Variants in GALNT17 observed in about 807,000 individuals in gnomAD.
GALNT17 encodes UDP-GalNAc:polypeptide N-acetylgalactosaminyltransferase-like 3.
In GALNT17, 29 loss-of-function variants were observed where a neutral mutation model predicts 63.7. That is an observed-to-expected ratio of 0.46 (90% CI 0.34 to 0.62). The LOEUF is 0.62. Among genes scored for constraint, GALNT17 ranks in the 20% least tolerant of loss-of-function variants. The pLI is 0.01. For synonymous variants in GALNT17, 305 were observed against 318.3 expected, an observed-to-expected ratio of 0.96 and a Z score of 0.45; for missense variants, 603 against 799.6, an observed-to-expected ratio of 0.75 and a Z score of 2.97.
chr7:71,441,948 T>C (rs1482434941), intron 5 of GALNT17, among the ~76,000 whole-genome samples: 5 of 152,162 alleles, frequency 3.3e-5, no homozygotes, highest in Non-Finnish European at 7.3e-5. Context: ...AACGTATGTG[T>C]GTGTGTGTGT....
intron 1 of GALNT17, among the ~76,000 whole-genome samples, chr7:71,221,908 ATTTTTTTTT>A (rs370780821): frequency 1.7e-5 from 2 of 114,684 alleles, no homozygotes; most frequent in Non-Finnish European, 3.5e-5. Flanking sequence ...CCTTATTTAG[ATTTTTTTTT>A]TTTTTTTTTT....
chr7:71,388,648 T>G (rs924788391), intron 3 of GALNT17, among the ~76,000 whole-genome samples: 1 of 151,980 alleles, frequency 6.6e-6, no homozygotes, highest in Non-Finnish European at 1.5e-5. Context: ...TACCTCAGCC[T>G]CCCGAGTAGC....
chr7:71,184,458 G>A (rs1226324085), intron 1 of GALNT17, among the ~76,000 whole-genome samples: 1 of 152,168 alleles, frequency 6.6e-6, no homozygotes, highest in African/African-American at 2.4e-5. Context: ...GAGCCCATCT[G>A]CTGGCTGATG....
intron 1 of GALNT17, among the ~76,000 whole-genome samples, chr7:71,273,669 C>A: frequency 6.6e-6 from 1 of 152,154 alleles, no homozygotes; most frequent in East Asian, 1.9e-4. Context: ...GAGCCTAATT[C>A]TCATTTGTAC....
At chr7:71,482,647 A>T (rs1443541094) in intron 5 of GALNT17, among the ~76,000 whole-genome samples, 1 of 152,192 alleles carries the variant, frequency 6.6e-6, no homozygotes, top group Non-Finnish European at 1.5e-5. Flanking sequence ...CACAATGCTA[A>T]GTATTTGTGT....
chr7:71,592,561 T>TAAAATAA (rs1320144082), intron 6 of GALNT17, among the ~76,000 whole-genome samples: 2 of 38,850 alleles, frequency 5.1e-5, no homozygotes, highest in African/African-American at 1.4e-4. Context: ...TAGCATAGCA[T>TAAAATAA]ACTAAAATAA....
At chr7:71,700,916 T>A (rs766876140) in intron 9 of GALNT17, among the ~76,000 whole-genome samples, 3 of 152,192 alleles carry the variant, frequency 2.0e-5, no homozygotes, top group Non-Finnish European at 4.4e-5. Flanking sequence ...ATTCATGATG[T>A]CAACAAATAT....
At chr7:71,157,730 G>A (rs907859837) in intron 1 of GALNT17, among the ~76,000 whole-genome samples, 3 of 151,742 alleles carry the variant, frequency 2.0e-5, no homozygotes, top group Non-Finnish European at 4.4e-5. Flanking sequence ...TGTACAGCTC[G>A]GTAGTAACAA....
At chr7:71,491,370 A>C (rs1242482973) in intron 5 of GALNT17, among the ~76,000 whole-genome samples, 2 of 151,988 alleles carry the variant, frequency 1.3e-5, no homozygotes, top group African/African-American at 4.8e-5. Context: ...GAATGTAAGA[A>C]GCAGGCACGA....
chr7:71,578,764 G>A (rs989676835), intron 6 of GALNT17, among the ~76,000 whole-genome samples: 1 of 152,098 alleles, frequency 6.6e-6, no homozygotes, highest in Non-Finnish European at 1.5e-5. Flanking sequence ...CTTCCCTCTT[G>A]TCTACAGCTA....
At chr7:71,497,418 G>A (rs1357678616) in intron 5 of GALNT17, among the ~76,000 whole-genome samples, 1 of 152,118 alleles carries the variant, frequency 6.6e-6, no homozygotes, top group Non-Finnish European at 1.5e-5. Flanking sequence ...TCTCTCTGGG[G>A]CCTCACAGTC....
At chr7:71,135,778 G>A (rs1398485303) in intron 1 of GALNT17, among the ~76,000 whole-genome samples, 1 of 152,106 alleles carries the variant, frequency 6.6e-6, no homozygotes, top group Non-Finnish European at 1.5e-5. Context: ...CTCATTTTGG[G>A]GACTTAAGCT....
intron 2 of GALNT17, among the ~76,000 whole-genome samples, chr7:71,366,866 A>T (rs1272828529): frequency 6.6e-6 from 1 of 152,182 alleles, no homozygotes; most frequent in Non-Finnish European, 1.5e-5. Flanking sequence ...AAGGCTAAAA[A>T]AATATTTCTT....
chr7:71,572,662 T>C (rs1789468443), intron 6 of GALNT17, among the ~76,000 whole-genome samples: 4 of 152,040 alleles, frequency 2.6e-5, no homozygotes, highest in Non-Finnish European at 1.5e-5. Flanking sequence ...GGTGAGAAGA[T>C]TTAATTTAAG....
In GALNT17 at chr7:71,346,201, AGT is replaced by A. The variant is rs201164622; in HGVS notation, c.422+10477_422+10478del. On this transcript the variant is annotated intron_variant, in intron 2 of 10. Transcript: ENST00000333538. Reference sequence around the variant, plus strand: ...AGTGAGATGAGTGTGTACATGTGACAGTGTGTGTGTATATATATTTATATATT... The same window carrying A: ...AGTGAGATGAGTGTGTACATGTGACAGTGTGTGTATATATATTTATATATT... Among the ~76,000 whole-genome samples, 32 of 151,690 alleles carry A rather than the reference AGT, an allele frequency of 2.1e-4. No homozygotes were observed. The East Asian group carries it at 5.8e-3, about 28-fold the overall frequency.
At chr7:71,403,340 G>A (rs1163181847) in intron 3 of GALNT17, among the ~76,000 whole-genome samples, 1 of 152,180 alleles carries the variant, frequency 6.6e-6, no homozygotes, top group African/African-American at 2.4e-5. Context: ...ATTGGCTTTG[G>A]TACATTGGCT....
chr7:71,260,864 A>G (rs1291396431), intron 1 of GALNT17, among the ~76,000 whole-genome samples: 1 of 152,174 alleles, frequency 6.6e-6, no homozygotes, highest in African/African-American at 2.4e-5. Flanking sequence ...TCAGCCTCCC[A>G]AAGTGCTGGT....
intron 6 of GALNT17, among the ~76,000 whole-genome samples, chr7:71,592,372 G>A (rs535823942): frequency 2.0e-5 from 3 of 152,132 alleles, no homozygotes; most frequent in African/African-American, 7.2e-5. Context: ...GCAAGTGCCT[G>A]TAATCCCAGC....
In GALNT17 at chr7:71,493,074, A is replaced by T. The variant is rs1584000357; in HGVS notation, c.962+71969A>T. On this transcript the variant is annotated intron_variant, in intron 5 of 10. Coordinates refer to ENST00000333538, the MANE Select transcript of GALNT17 (RefSeq NM_022479.3). ...ATAGTTTTGATGTATGCTACAGCTC[A>T]TGCATAAATTCAGACAGGTAGTAGA... Among the ~76,000 whole-genome samples the T allele has an allele frequency of 2.0e-5, 3 of 152,342 alleles. No individual in the cohort carries two copies. The East Asian group carries it at 5.8e-4, about 29-fold the overall frequency.
Sources: allele counts gnomAD v4.1 joint callset (sites outside exome capture counted in the v4.1 genomes callset), GRCh38; gene constraint gnomAD v4.1.1; transcripts MANE v1.5; gene names NCBI Gene and HGNC (gene_info 2026-07-23, HGNC 2026-07-21).